TMEM40: variants seen among roughly 807,000 people sequenced by gnomAD.
TMEM40 encodes transmembrane protein 40.
TMEM40 carries 34 observed loss-of-function variants against 40.8 expected under a neutral mutation model. The ratio of observed to expected loss-of-function variants is 0.83; its 90% confidence interval spans 0.63 to 1.11. The LOEUF (loss-of-function observed/expected upper bound fraction) is 1.11. Among genes scored for constraint, TMEM40 ranks in the 50% least tolerant of loss-of-function variants. The probability of loss-of-function intolerance (pLI) is 0.00; values close to 1 mark genes in which losing one functional copy is unlikely to be tolerated. For synonymous variants in TMEM40, 106 were observed against 107.0 expected (o/e 0.99, Z 0.06); for missense variants, 296 against 280.2 (o/e 1.06, Z -0.40).
chr3:12,752,236 G>A (rs755082995), intron 1 of TMEM40, among the ~76,000 whole-genome samples: 5 of 152,110 alleles, frequency 3.3e-5, no homozygotes, highest in Non-Finnish European at 7.4e-5. Context: ...CTACAAGCAT[G>A]TACCACCATC....
At chr3:12,754,094 T>A (rs932291876) in intron 1 of TMEM40, among the ~76,000 whole-genome samples, 3 of 152,096 alleles carry the variant, frequency 2.0e-5, no homozygotes, top group African/African-American at 7.2e-5. Flanking sequence ...TTTCATCACA[T>A]CAGGTCAGGA....
chr3:12,748,910 T>C, intron 2 of TMEM40, 118 bp from the exon 3 acceptor site: 3 of 868,298 alleles, frequency 3.5e-6, no homozygotes, highest in Non-Finnish European at 5.4e-6. Flanking sequence ...CTGGATTATC[T>C]TCCCAAATAT....
chr3:12,737,980 C>A, intron 7 of TMEM40, 156 bp downstream of exon 7: 1 of 1,072,976 alleles, frequency 9.3e-7, no homozygotes. Context: ...TTCCATTTCC[C>A]CTGCACTGGA....
At chr3:12,737,907 G>A (rs2061349582) in intron 7 of TMEM40, 153 bp from the exon 8 acceptor site, 1 of 948,270 alleles carries the variant, frequency 1.1e-6, no homozygotes, top group Non-Finnish European at 1.7e-6. Flanking sequence ...TGAAGATGGG[G>A]GTACTGTCCT....
At chr3:12,737,240 C>T (rs1322611504) in intron 8 of TMEM40, among the ~76,000 whole-genome samples, 2 of 148,914 alleles carry the variant, frequency 1.3e-5, no homozygotes, top group African/African-American at 5.0e-5. Context: ...GGTCTTTCCT[C>T]TTGCCCTCCC....
At chr3:12,738,648 T>C (rs2061357374) in intron 5 of TMEM40, 60 bp from the exon 6 acceptor site, 1 of 1,573,388 alleles carries the variant, frequency 6.4e-7, no homozygotes, top group Non-Finnish European at 8.7e-7. Context: ...GGAGAAGTCA[T>C]GCTTCAGGGA....
At chr3:12,755,028 CT>C (rs1414591643) in intron 1 of TMEM40, among the ~76,000 whole-genome samples, 1 of 146,554 alleles carries the variant, frequency 6.8e-6, no homozygotes, top group Non-Finnish European at 1.5e-5. Context: ...CTCCTTCCCC[CT>C]CCCTCCCTCC....
rs143234147 is a variant in TMEM40, at chr3:12,742,585, C to T, written c.302-78G>A. 946 of 1,541,220 alleles carry T rather than the reference C, an allele frequency of 6.1e-4. 6 individuals carry two copies. In the African/African-American group the frequency reaches 0.011, roughly 17 times the overall value. On this transcript the variant is annotated intron_variant, in intron 4 of 11. Transcript: ENST00000314124. Reference sequence around the variant, plus strand: ...CCACTTCCCTCTCCCATGGCTTCGACGCTTAAGAAGTACCACAGTCCTTGT... The same window carrying T: ...CCACTTCCCTCTCCCATGGCTTCGATGCTTAAGAAGTACCACAGTCCTTGT...
In TMEM40 at chr3:12,738,101, C is replaced by T. The variant is rs774751670; in HGVS notation, c.424+35G>A. On this transcript the variant is annotated intron_variant, in intron 7 of 11. Coordinates refer to ENST00000314124, the MANE Select transcript of TMEM40 (RefSeq NM_018306.4). ...CAACCCATCGTCTGGAATCCACACC[C>T]GCTCTGGCTCTCCTATTTGAGCTTG... 25 of 1,612,404 alleles carry T rather than the reference C, an allele frequency of 1.6e-5. No individual in the cohort carries two copies. The East Asian group carries it at 1.8e-4, about 11-fold the overall frequency.
upstream of TMEM40, among the ~76,000 whole-genome samples, chr3:12,761,752 C>T (rs922878541): frequency 1.3e-5 from 2 of 152,160 alleles, no homozygotes; most frequent in African/African-American, 2.4e-5. Flanking sequence ...GGGAAGTTTA[C>T]AGCTCTGCTG....
At chr3:12,755,118 TTTCTA>T (rs2061509638) in intron 1 of TMEM40, among the ~76,000 whole-genome samples, 1 of 150,800 alleles carries the variant, frequency 6.6e-6, no homozygotes, top group Non-Finnish European at 1.5e-5. Context: ...TCTTTTTTCT[TTTCTA>T]TTCTTTTCTT....
intron 3 of TMEM40, among the ~76,000 whole-genome samples, chr3:12,744,217 C>T (rs2061408622): frequency 6.6e-6 from 1 of 152,170 alleles, no homozygotes; most frequent in South Asian, 2.1e-4. Context: ...AATATTTCTG[C>T]TTCTGCCTTG....
chr3:12,756,333 A>G (rs1303745809), intron 1 of TMEM40, among the ~76,000 whole-genome samples: 1 of 152,148 alleles, frequency 6.6e-6, no homozygotes, highest in East Asian at 1.9e-4. Flanking sequence ...GTACATATCT[A>G]TGCATATGTA....
chr3:12,746,826 G>A (rs1482135638), intron 3 of TMEM40, among the ~76,000 whole-genome samples: 1 of 152,164 alleles, frequency 6.6e-6, no homozygotes, highest in Non-Finnish European at 1.5e-5. Context: ...AGGGATTATG[G>A]TCACATGGGG....
At chr3:12,760,221 G>A (rs1027093724), upstream of TMEM40, among the ~76,000 whole-genome samples, 4 of 152,036 alleles carry the variant, frequency 2.6e-5, no homozygotes, top group Admixed American at 1.3e-4. Flanking sequence ...CTCGCCCCTG[G>A]CTATTCTCAT....
At chr3:12,746,294 A>G (rs2061427638) in intron 3 of TMEM40, among the ~76,000 whole-genome samples, 1 of 152,208 alleles carries the variant, frequency 6.6e-6, no homozygotes, top group African/African-American at 2.4e-5. Flanking sequence ...AGACTGGCAC[A>G]TATTTGGTGC....
chr3:12,738,821 TC>T (rs2061359356), intron 5 of TMEM40: 1 of 497,198 alleles, frequency 2.0e-6, no homozygotes, highest in Non-Finnish European at 3.6e-6. Flanking sequence ...TCTGTCAATT[TC>T]CCCAGAGAAG....
chr3:12,752,984 A>T (rs2061490216), intron 1 of TMEM40, among the ~76,000 whole-genome samples: 1 of 152,098 alleles, frequency 6.6e-6, no homozygotes, highest in African/African-American at 2.4e-5. Flanking sequence ...TCAGAGTGCT[A>T]TGCAAATATG....
In TMEM40 at chr3:12,743,904, T is replaced by G. The variant is rs2061402385; in HGVS notation, c.297A>C (p.Ser99=). 6.2e-7 allele frequency: 1 copy of G among 1,613,014 alleles called. No individual in the cohort carries two copies. Among genetic ancestry groups the G allele is most frequent in the Non-Finnish European group, 8.5e-7 (1 of 1,179,594 alleles). ...LGAGYPHGNG[S]PGPGHGEPDV... ...ATGGTAAGGCCTATTTCCTACCGGGTGAGCCGTTCCCGTGGGGGTATCCAG... is the reference window on the plus strand; with the variant it reads ...ATGGTAAGGCCTATTTCCTACCGGGGGAGCCGTTCCCGTGGGGGTATCCAG... The change falls in exon 4 of 12, where the codon TCA becomes TCC. Residue 99 remains serine (S), a synonymous_variant. Coordinates refer to ENST00000314124, the MANE Select transcript of TMEM40 (RefSeq NM_018306.4).
Sources: gnomAD v4.1 joint callset for allele counts (sites outside exome capture counted in the v4.1 genomes callset) on GRCh38, gnomAD v4.1.1 for gene constraint, MANE v1.5 for transcripts, NCBI Gene and HGNC (gene_info 2026-07-23, HGNC 2026-07-21) for gene names.